The following KHDRBS2 variants were observed in gnomAD, a reference collection of about 807,000 sequenced individuals.
KHDRBS2 encodes the protein KH RNA binding domain containing, signal transduction associated 2.
In KHDRBS2, 26 loss-of-function variants were observed where a neutral mutation model predicts 44.3. The observed-to-expected ratio is 0.59, with a 90% CI of 0.43 to 0.81. The LOEUF (loss-of-function observed/expected upper bound fraction) is 0.81. KHDRBS2 is among the 40% of genes least tolerant of loss of function. The probability of loss-of-function intolerance (pLI) is 0.00; values close to 1 mark genes in which losing one functional copy is unlikely to be tolerated. For synonymous variants in KHDRBS2, 194 were observed against 151.1 expected, an observed-to-expected ratio of 1.28 and a Z score of -2.08; for missense variants, 476 against 433.1, an observed-to-expected ratio of 1.10 and a Z score of -0.88.
At chr6:61,542,694 T>C in the KHDRBS2 span, among the ~76,000 whole-genome samples, 2 of 151,922 alleles carry the variant, frequency 1.3e-5, no homozygotes, top group Non-Finnish European at 2.9e-5. Context: ...AGATCTCAAA[T>C]CAGAGTGTTT....
At chr6:62,195,317 G>A (rs1825454782) in intron 1 of KHDRBS2, among the ~76,000 whole-genome samples, 1 of 152,128 alleles carries the variant, frequency 6.6e-6, no homozygotes, top group Admixed American at 6.5e-5. Context: ...ATTTTTGTGT[G>A]AGCACCAAAG....
At chr6:61,598,853 T>A in the KHDRBS2 span, among the ~76,000 whole-genome samples, 1 of 133,442 alleles carries the variant, frequency 7.5e-6, no homozygotes. Flanking sequence ...TTTTTTTTTT[T>A]TTTTTGCACA....
chr6:61,960,770 C>T (rs540495378), intron 4 of KHDRBS2, among the ~76,000 whole-genome samples: 1 of 152,030 alleles, frequency 6.6e-6, no homozygotes, highest in African/African-American at 2.4e-5. Flanking sequence ...ACATTATGTA[C>T]ATTTGAGAAC....
At chr6:62,157,526 T>C (rs1257095337) in intron 2 of KHDRBS2, among the ~76,000 whole-genome samples, 2 of 152,174 alleles carry the variant, frequency 1.3e-5, no homozygotes, top group East Asian at 3.9e-4. Context: ...ATCAATTTTA[T>C]CTCTGAGATG....
chr6:62,085,426 GAGA>G (rs1236140367), intron 2 of KHDRBS2, among the ~76,000 whole-genome samples: 1 of 151,992 alleles, frequency 6.6e-6, no homozygotes, highest in East Asian at 1.9e-4. Flanking sequence ...AAAGGTAACT[GAGA>G]AGAATAGGAA....
intron 1 of KHDRBS2, among the ~76,000 whole-genome samples, chr6:62,202,598 T>C (rs1827220459): frequency 6.6e-6 from 1 of 152,098 alleles, no homozygotes; most frequent in African/African-American, 2.4e-5. Context: ...TCTACTGTTA[T>C]GTGGTATTCA....
intron 6 of KHDRBS2, among the ~76,000 whole-genome samples, chr6:61,739,292 T>C (rs1224932362): frequency 6.6e-6 from 1 of 151,894 alleles, no homozygotes; most frequent in Non-Finnish European, 1.5e-5. Context: ...TGTATGGTTC[T>C]GACATGACTG....
chr6:62,159,718 G>A (rs548688673), intron 2 of KHDRBS2, among the ~76,000 whole-genome samples: 17 of 152,138 alleles, frequency 1.1e-4, no homozygotes, highest in African/African-American at 4.1e-4. Context: ...CACATATTTT[G>A]TATGTTATAT....
Position 61,911,977 on chromosome 6 carries a change from C to T in KHDRBS2, c.484-10606G>A, listed in dbSNP as rs958959119. Among the ~76,000 whole-genome samples, 14 of 151,884 alleles carry T rather than the reference C, an allele frequency of 9.2e-5. No individual in the cohort carries two copies. The South Asian group carries it at 1.2e-3, about 14-fold the overall frequency. On this transcript the variant is annotated intron_variant, in intron 4 of 8. Coordinates refer to ENST00000281156, the MANE Select transcript of KHDRBS2 (RefSeq NM_152688.4). ...GGATAGTCCTTAAAAACAATTATTGCGCCACTTTTTCTAACCAACATAAAG... is the reference window on the plus strand; with the variant it reads ...GGATAGTCCTTAAAAACAATTATTGTGCCACTTTTTCTAACCAACATAAAG...
intron 4 of KHDRBS2, among the ~76,000 whole-genome samples, chr6:61,959,521 G>C (rs1768165126): frequency 6.6e-6 from 1 of 152,090 alleles, no homozygotes; most frequent in South Asian, 2.1e-4. Context: ...AATATCGATA[G>C]AAACAATTTC....
intron 6 of KHDRBS2, among the ~76,000 whole-genome samples, chr6:61,877,433 T>G (rs567753671): frequency 3.4e-4 from 48 of 139,384 alleles, no homozygotes; most frequent in South Asian, 3.0e-3. Flanking sequence ...AATCAGAAAG[T>G]TTTTTTTTTG....
chr6:61,841,976 C>G (rs984302416), intron 6 of KHDRBS2, among the ~76,000 whole-genome samples: 6 of 152,122 alleles, frequency 3.9e-5, no homozygotes, highest in African/African-American at 1.4e-4. Context: ...TTAAACAATG[C>G]TAAACCACTT....
intron 4 of KHDRBS2, among the ~76,000 whole-genome samples, chr6:61,965,020 T>TA (rs1769590745): frequency 6.6e-6 from 1 of 152,150 alleles, no homozygotes; most frequent in Non-Finnish European, 1.5e-5. Flanking sequence ...TGCACAGAAT[T>TA]TGTTAATCTT....
chr6:61,652,410 T>C, the KHDRBS2 span: 1 of 151,884 alleles, frequency 6.6e-6, no homozygotes, highest in Non-Finnish European at 1.5e-5. Flanking sequence ...CTTATACATA[T>C]ACATGCATCT....
rs191897085 is a variant in KHDRBS2 at position 62,278,566 on chromosome 6, T to C, written c.91+7292A>G. On this transcript the variant is annotated intron_variant, in intron 1 of 8. Coordinates refer to ENST00000281156, the MANE Select transcript of KHDRBS2 (RefSeq NM_152688.4). ...ATTAATATTAATGTACAAGGCCTAA[T>C]AGTCAATCAAAAGAAAATTTCATAA... 2.8e-4 allele frequency among the ~76,000 whole-genome samples: 42 copies of C among 152,256 alleles called. 1 individual carries two copies. In the East Asian group the frequency reaches 7.0e-3, roughly 25 times the overall value.
At chr6:61,649,820 T>C in the KHDRBS2 span, among the ~76,000 whole-genome samples, 1 of 152,180 alleles carries the variant, frequency 6.6e-6, no homozygotes, top group South Asian at 2.1e-4. Flanking sequence ...ATTACTCTAA[T>C]GTTCTGCTAG....
intron 7 of KHDRBS2, among the ~76,000 whole-genome samples, chr6:61,726,284 G>A (rs574434971): frequency 6.6e-6 from 1 of 152,152 alleles, no homozygotes; most frequent in African/African-American, 2.4e-5. Flanking sequence ...AAAATAATAT[G>A]AGTCAGATAT....
At chr6:61,887,318 T>C (rs948813284) in intron 6 of KHDRBS2, among the ~76,000 whole-genome samples, 1 of 152,220 alleles carries the variant, frequency 6.6e-6, no homozygotes, top group Non-Finnish European at 1.5e-5. Flanking sequence ...GAGCTGATAA[T>C]GCTTAATATT....
At chr6:62,097,191 G>A (rs1460335120) in intron 2 of KHDRBS2, among the ~76,000 whole-genome samples, 2 of 151,620 alleles carry the variant, frequency 1.3e-5, no homozygotes, top group Non-Finnish European at 3.0e-5. Context: ...GTTGAGTAGA[G>A]TGCGTATTCT....
Sources: gnomAD v4.1 joint callset for allele counts (sites outside exome capture counted in the v4.1 genomes callset) on GRCh38, gnomAD v4.1.1 for gene constraint, MANE v1.5 for transcripts, NCBI Gene and HGNC (gene_info 2026-07-23, HGNC 2026-07-21) for gene names.